NAV1: variants seen among roughly 807,000 people sequenced by gnomAD.
NAV1 encodes neuron navigator 1.
NAV1 carries 18 observed loss-of-function variants against 175.2 expected under a neutral mutation model. The observed-to-expected ratio is 0.10, with a 90% confidence interval of 0.07 to 0.15. NAV1 has a LOEUF of 0.15. Ranked by LOEUF, NAV1 falls within the 10% of genes least tolerant of loss-of-function variation. NAV1 has a pLI of 1.00. For missense variants in NAV1, 1,731 were observed against 2,436.6 expected (o/e 0.71, Z 6.10); for synonymous variants, 897 against 978.7 (o/e 0.92, Z 1.56).
At chr1:201,698,496 T>C (rs1671281714) in intron 1 of NAV1, among the ~76,000 whole-genome samples, 1 of 152,218 alleles carries the variant, frequency 6.6e-6, no homozygotes. Context: ...GCGGTGATGT[T>C]CACTCATTTG....
At chr1:201,593,221 C>T (rs1401920103) in intron 2 of NAV1, among the ~76,000 whole-genome samples, 2 of 152,172 alleles carry the variant, frequency 1.3e-5, no homozygotes, top group Non-Finnish European at 2.9e-5. Flanking sequence ...TAACTGATGC[C>T]TTTTCCAGCC....
At chr1:201,550,829 G>A (rs758656387) in intron 1 of NAV1, among the ~76,000 whole-genome samples, 16 of 152,164 alleles carry the variant, frequency 1.1e-4, no homozygotes, top group African/African-American at 1.9e-4. Context: ...AGGGCCTCTC[G>A]GCAAATGTTT....
exon 30 of NAV1, chr1:201,821,514 A>ACACACACACC: frequency 2.3e-5 from 1 of 44,192 alleles, no homozygotes; most frequent in Admixed American, 2.2e-4. Flanking sequence ...AGACACACAC[A>ACACACACACC]CACACACACA....
intron 15 of NAV1, among the ~76,000 whole-genome samples, chr1:201,803,368 A>G (rs532737126): frequency 3.9e-5 from 6 of 152,364 alleles, no homozygotes; most frequent in Non-Finnish European, 7.3e-5. Context: ...TTCTTGAGAA[A>G]AGGAATCATT....
intron 29 of NAV1, among the ~76,000 whole-genome samples, chr1:201,817,866 G>T (rs1032810109): frequency 6.6e-6 from 1 of 152,116 alleles, no homozygotes; most frequent in Admixed American, 6.6e-5. Flanking sequence ...GGGAATATCT[G>T]CAATGCCTGT....
intron 1 of NAV1, among the ~76,000 whole-genome samples, chr1:201,681,711 C>T (rs920369338): frequency 1.6e-4 from 25 of 152,306 alleles, no homozygotes; most frequent in East Asian, 9.6e-4. Context: ...CAGTGGCTCA[C>T]GCCTGTAATC....
chr1:201,684,643 T>C (rs570325362), intron 1 of NAV1, among the ~76,000 whole-genome samples: 1 of 151,512 alleles, frequency 6.6e-6, no homozygotes, highest in Admixed American at 6.6e-5. Flanking sequence ...CCTGGCTAAT[T>C]TTTGTATTTT....
exon 22 of NAV1, chr1:201,809,470 G>A (rs369057119): frequency 6.2e-7 from 1 of 1,614,100 alleles, no homozygotes; most frequent in East Asian, 2.2e-5. Flanking sequence ...TTCTTCCTGG[G>A]CTGTAGCAAG....
chr1:201,802,151 A>G (rs2102784444), intron 15 of NAV1, among the ~76,000 whole-genome samples: 1 of 138,308 alleles, frequency 7.2e-6, no homozygotes, highest in African/African-American at 2.5e-5. Context: ...AAAAAAAAAA[A>G]AAAATTAGCC....
At chr1:201,654,905 T>G (rs1385903056) in intron 1 of NAV1, among the ~76,000 whole-genome samples, 5 of 152,200 alleles carry the variant, frequency 3.3e-5, no homozygotes, top group Non-Finnish European at 7.3e-5. Flanking sequence ...TGAGCTTTGA[T>G]TCTGTCTTCT....
At chr1:201,692,769 G>A (rs140174385) in intron 1 of NAV1, among the ~76,000 whole-genome samples, 4 of 152,384 alleles carry the variant, frequency 2.6e-5, no homozygotes, top group Middle Eastern at 3.4e-3. Flanking sequence ...TACAGAGAGA[G>A]AAGAATGAAA....
Position 201,713,051 on chromosome 1 carries a change from G to A in NAV1, c.860+132G>A, listed in dbSNP as rs555726196. 16 of 634,870 alleles carry A rather than the reference G, an allele frequency of 2.5e-5. No homozygotes were observed. In the African/African-American group the frequency reaches 2.7e-4, roughly 11 times the overall value. The allele number at this position is 634,870 out of a possible 1,614,324, so 39.3% of individuals were successfully genotyped here. On this transcript the variant is annotated intron_variant, in intron 2 of 29. Transcript: ENST00000367296. ...AGGTGGCCTGATGCGTGGAGCCACT[G>A]CAGAAGGAGGAGGAAATCCATTTAT...
intron 1 of NAV1, among the ~76,000 whole-genome samples, chr1:201,551,900 C>T (rs1324614880): frequency 6.6e-6 from 1 of 152,220 alleles, no homozygotes; most frequent in Non-Finnish European, 1.5e-5. Flanking sequence ...ATTTACACAT[C>T]TCCTGTGAGA....
chr1:201,712,863 C>T (rs750983710), exon 2 of NAV1: 7 of 1,614,122 alleles, frequency 4.3e-6, no homozygotes, highest in East Asian at 2.2e-5. Context: ...TCCTGGATCT[C>T]CGGCAGAACC....
intron 1 of NAV1, among the ~76,000 whole-genome samples, chr1:201,701,429 G>A (rs5780084): frequency 0.054 from 752 of 13,972 alleles, 3 homozygotes; most frequent in Middle Eastern, 0.12. Context: ...AATAAAAAAA[G>A]AAAAAGAAAA....
At chr1:201,802,030 G>A (rs1038245120) in intron 15 of NAV1, among the ~76,000 whole-genome samples, 1 of 147,646 alleles carries the variant, frequency 6.8e-6, no homozygotes, top group African/African-American at 2.5e-5. Flanking sequence ...CCAGCTACTT[G>A]GGAGGCTGAG....
chr1:201,768,888 C>A (rs71635556), intron 3 of NAV1, among the ~76,000 whole-genome samples: 17,757 of 152,086 alleles, frequency 0.12, 2,160 homozygotes, highest in African/African-American at 0.31. Flanking sequence ...TAGCTTTAAT[C>A]TGGTGTAGTT....
At chr1:201,733,124 T>A (rs1438320055) in intron 3 of NAV1, among the ~76,000 whole-genome samples, 4 of 150,026 alleles carry the variant, frequency 2.7e-5, no homozygotes, top group African/African-American at 9.9e-5. Flanking sequence ...CTTATGCCTG[T>A]AATCCCAGCA....
chr1:201,695,336 C>T (rs1050633858), intron 1 of NAV1, among the ~76,000 whole-genome samples: 7 of 152,170 alleles, frequency 4.6e-5, no homozygotes, highest in South Asian at 2.1e-4. Flanking sequence ...TGTATAGTTC[C>T]GGGTTCAAGC....
Sources: gnomAD v4.1 joint callset for allele counts (sites outside exome capture counted in the v4.1 genomes callset) on GRCh38, gnomAD v4.1.1 for gene constraint, MANE v1.5 for transcripts, NCBI Gene and HGNC (gene_info 2026-07-23, HGNC 2026-07-21) for gene names.